Variants in PCLO observed in about 807,000 individuals in gnomAD.
PCLO encodes the protein piccolo presynaptic cytomatrix protein.
A neutral mutation model predicts 427.5 loss-of-function variants in PCLO; 82 were observed. The ratio of observed to expected loss-of-function variants is 0.19; its 90% CI spans 0.16 to 0.23. The LOEUF (loss-of-function observed/expected upper bound fraction) is 0.23, where lower values mean the gene tolerates loss of function less well. PCLO is among the 10% of genes least tolerant of loss of function. The probability of loss-of-function intolerance (pLI) is 1.00; values close to 1 mark genes in which losing one functional copy is unlikely to be tolerated. For synonymous variants in PCLO, 2,357 were observed against 2,155.4 expected, an observed-to-expected ratio of 1.09 and a Z score of -2.59; for missense variants, 6,239 against 6,115.9, an observed-to-expected ratio of 1.02 and a Z score of -0.67.
chr7:82,894,278 G>T (rs1793847059), intron 9 of PCLO: 1 of 152,124 alleles, frequency 6.6e-6, no homozygotes, highest in Non-Finnish European at 1.5e-5. Context: ...AGCAGCATTT[G>T]TTCATGAGAA....
chr7:83,026,759 C>A (rs984021863), intron 3 of PCLO, among the ~76,000 whole-genome samples: 1 of 151,466 alleles, frequency 6.6e-6, no homozygotes, highest in Non-Finnish European at 1.5e-5. Context: ...AACTGTCTCT[C>A]AGACCACAGT....
At chr7:83,136,777 A>G (rs1471448976) in intron 2 of PCLO, among the ~76,000 whole-genome samples, 1 of 152,152 alleles carries the variant, frequency 6.6e-6, no homozygotes, top group Non-Finnish European at 1.5e-5. Flanking sequence ...AGATTTGTAT[A>G]TATATGAGAT....
At chr7:82,794,459 C>CTTTCTTTTTTTTTT (rs1791179529) in intron 22 of PCLO, among the ~76,000 whole-genome samples, 1 of 56,350 alleles carries the variant, frequency 1.8e-5, no homozygotes, top group Non-Finnish European at 4.1e-5. Flanking sequence ...AATTTTTTTT[C>CTTTCTTTTTTTTTT]TTTTTTTTTT....
intron 2 of PCLO, among the ~76,000 whole-genome samples, chr7:83,151,096 T>C (rs940044658): frequency 1.3e-5 from 2 of 152,118 alleles, no homozygotes; most frequent in Non-Finnish European, 2.9e-5. Context: ...CTGACCTCCA[T>C]AAAATTTAGG....
chr7:82,900,118 C>T (rs1027696732), intron 9 of PCLO, among the ~76,000 whole-genome samples: 1 of 151,602 alleles, frequency 6.6e-6, no homozygotes, highest in South Asian at 2.1e-4. Context: ...AGCAATAAAA[C>T]TATGAAAGTT....
rs5885327 is a variant in PCLO at position 82,984,408 on chromosome 7, CTGTGTG to C, written c.3301-17927_3301-17922del. Reference sequence around the variant, plus strand: ...CCTTAGTTTATTTCAAATGTGGTGTCTGTGTGTGTGTGTGTGTGTGTGTGTGTGTGT... The same window carrying C: ...CCTTAGTTTATTTCAAATGTGGTGTCTGTGTGTGTGTGTGTGTGTGTGTGT... On this transcript the variant is annotated intron_variant, in intron 3 of 24. Coordinates refer to ENST00000333891, the MANE Select transcript of PCLO (RefSeq NM_033026.6). Among the ~76,000 whole-genome samples the C allele has an allele frequency of 4.3e-4, 58 of 135,938 alleles. No individual in the cohort carries two copies. The East Asian group carries it at 6.5e-3, about 15-fold the overall frequency. 89.2% of individuals were successfully genotyped at this position (135,938 alleles called of 152,430 possible).
In PCLO at chr7:82,915,703, G is replaced by A. The variant is rs76835434; in HGVS notation, c.12283C>T (p.Leu4095=). The A allele has an allele frequency of 6.2e-7, 1 of 1,612,676 alleles. No homozygotes were observed. The highest frequency in any genetic ancestry group is 1.1e-5 in the South Asian group (1 of 91,020). The change falls in exon 7 of 25, where the codon CTA becomes TTA. Residue 4095 remains leucine (L), a synonymous_variant. Transcript: ENST00000333891. ...CTAGAGGAAGACTGTAAAGGTGCTA[G>A]GAAATCTGTCACTTCTTGAGACCGG... ...TRRSQEVTDF[L]APLQSSSRLH... is the part of the protein sequence containing the mutation.
chr7:82,942,050 G>T (rs187179960), intron 6 of PCLO, among the ~76,000 whole-genome samples: 1 of 152,158 alleles, frequency 6.6e-6, no homozygotes, highest in Non-Finnish European at 1.5e-5. Context: ...ATCACAGCGG[G>T]TGCCTGTATT....
At chr7:82,779,040 A>C (rs1018286287) in intron 22 of PCLO, among the ~76,000 whole-genome samples, 4 of 152,118 alleles carry the variant, frequency 2.6e-5, no homozygotes, top group Non-Finnish European at 5.9e-5. Flanking sequence ...TCTTGTTAAC[A>C]TATCAATCTT....
At chr7:82,944,040 G>C (rs374042559) in intron 6 of PCLO, among the ~76,000 whole-genome samples, 1 of 150,846 alleles carries the variant, frequency 6.6e-6, no homozygotes, top group Admixed American at 6.6e-5. Context: ...CCAGCTACTC[G>C]GGAGGCTGAG....
At chr7:82,762,111 G>C (rs997673827) in intron 22 of PCLO, among the ~76,000 whole-genome samples, 13 of 152,024 alleles carry the variant, frequency 8.6e-5, no homozygotes, top group Non-Finnish European at 1.5e-4. Context: ...TTGGTTTCAT[G>C]CTTTTTCTAT....
intron 2 of PCLO, among the ~76,000 whole-genome samples, chr7:83,150,194 G>A (rs982233883): frequency 6.6e-6 from 1 of 152,150 alleles, no homozygotes; most frequent in Non-Finnish European, 1.5e-5. Flanking sequence ...TACCAAAAGA[G>A]ATAAAGTAAA....
At chr7:83,154,327 T>C (rs1792211169) in intron 2 of PCLO, among the ~76,000 whole-genome samples, 1 of 152,216 alleles carries the variant, frequency 6.6e-6, no homozygotes, top group South Asian at 2.1e-4. Context: ...TAAGTTAAAA[T>C]TGTATTCAGA....
chr7:82,931,900 C>A (rs529313395), intron 6 of PCLO, among the ~76,000 whole-genome samples: 1 of 152,184 alleles, frequency 6.6e-6, no homozygotes, highest in South Asian at 2.1e-4. Flanking sequence ...CACATAGAAG[C>A]TGTCTACAAT....
rs28760490 is a variant in PCLO at position 82,923,726 on chromosome 7, T to C, written c.11113-6853A>G. 3.2e-3 allele frequency among the ~76,000 whole-genome samples: 492 copies of C among 152,226 alleles called. 2 individuals are homozygous for C. Among genetic ancestry groups the C allele is most frequent in the African/African-American group, 0.011 (473 of 41,566 alleles). On this transcript the variant is annotated intron_variant, in intron 6 of 24. Coordinates refer to ENST00000333891, the MANE Select transcript of PCLO (RefSeq NM_033026.6). ...GAGCAGAACATTTAATGTTTTCCTATGACAGCCAGCAACATAGTTTTGGCC... is the reference window on the plus strand; with the variant it reads ...GAGCAGAACATTTAATGTTTTCCTACGACAGCCAGCAACATAGTTTTGGCC...
chr7:83,007,485 A>G (rs571136625), intron 3 of PCLO, among the ~76,000 whole-genome samples: 1 of 151,574 alleles, frequency 6.6e-6, no homozygotes, highest in Non-Finnish European at 1.5e-5. Context: ...CTATGGAAAA[A>G]CGATAACAAC....
intron 3 of PCLO, among the ~76,000 whole-genome samples, chr7:83,014,180 C>A (rs1394645437): frequency 6.6e-6 from 1 of 152,110 alleles, no homozygotes; most frequent in Non-Finnish European, 1.5e-5. Flanking sequence ...AAGAGACACA[C>A]TTGAGATAGT....
At chr7:82,900,808 T>C (rs1307597474) in intron 9 of PCLO, among the ~76,000 whole-genome samples, 1 of 151,836 alleles carries the variant, frequency 6.6e-6, no homozygotes, top group African/African-American at 2.4e-5. Context: ...TTGATCACTT[T>C]ATTGGGATTA....
At chr7:83,038,057 A>T (rs1321742018) in intron 3 of PCLO, among the ~76,000 whole-genome samples, 1 of 50,312 alleles carries the variant, frequency 2.0e-5, no homozygotes, top group Non-Finnish European at 3.5e-5. Flanking sequence ...ATATCTTTAT[A>T]TATATATTTA....
Sources: allele counts gnomAD v4.1 joint callset (sites outside exome capture counted in the v4.1 genomes callset), GRCh38; gene constraint gnomAD v4.1.1; transcripts MANE v1.5; gene names NCBI Gene and HGNC (gene_info 2026-07-23, HGNC 2026-07-21).